The following STK32B variants were observed in gnomAD, a reference collection of about 807,000 sequenced individuals.
STK32B encodes serine/threonine kinase 32B.
STK32B carries 43 observed loss-of-function variants against 52.6 expected under a neutral mutation model. The observed-to-expected ratio is 0.82, with a 90% CI of 0.64 to 1.05. The LOEUF is 1.05. STK32B is among the 50% of genes least tolerant of loss of function. The probability of loss-of-function intolerance (pLI) is 0.00; values close to 1 mark genes in which losing one functional copy is unlikely to be tolerated. For missense variants in STK32B, 621 were observed against 534.6 expected (o/e 1.16, Z -1.59); for synonymous variants, 238 against 204.3 (o/e 1.17, Z -1.41).
At chr4:5,413,736 A>G (rs1049845646) in intron 5 of STK32B, among the ~76,000 whole-genome samples, 3 of 152,234 alleles carry the variant, frequency 2.0e-5, no homozygotes, top group African/African-American at 7.2e-5. Context: ...AGGAGCTCCC[A>G]GTGAAAACTG....
At chr4:5,098,750 C>G (rs1403427975) in intron 1 of STK32B, among the ~76,000 whole-genome samples, 2 of 152,202 alleles carry the variant, frequency 1.3e-5, no homozygotes, top group African/African-American at 4.8e-5. Context: ...TTACAAGCTG[C>G]TTTGTTAGTA....
chr4:5,448,269 C>T (rs983751620), intron 7 of STK32B, among the ~76,000 whole-genome samples: 6 of 152,124 alleles, frequency 3.9e-5, no homozygotes, highest in East Asian at 3.8e-4. Flanking sequence ...ATTAATGTCC[C>T]GCAGATTTAC....
At chr4:5,280,989 C>T (rs767422196) in intron 3 of STK32B, among the ~76,000 whole-genome samples, 1 of 152,134 alleles carries the variant, frequency 6.6e-6, no homozygotes, top group South Asian at 2.1e-4. Flanking sequence ...TTAATTGACT[C>T]AGTTCTGAAA....
chr4:5,485,614 G>T (rs1386504863), intron 11 of STK32B, among the ~76,000 whole-genome samples: 3 of 152,150 alleles, frequency 2.0e-5, no homozygotes, highest in African/African-American at 7.2e-5. Context: ...CTCCAGCTTT[G>T]TTCCGTTGCT....
intron 3 of STK32B, among the ~76,000 whole-genome samples, chr4:5,289,524 CATTA>C (rs1447494267): frequency 6.6e-6 from 1 of 151,958 alleles, no homozygotes. Flanking sequence ...TGTTCAGTCT[CATTA>C]GATGTCAGAG....
chr4:5,477,886 C>T (rs187829136), intron 11 of STK32B, among the ~76,000 whole-genome samples: 26 of 152,222 alleles, frequency 1.7e-4, no homozygotes, highest in East Asian at 3.9e-4. Flanking sequence ...ACTGCCCATC[C>T]GTCAGACCCC....
At chr4:5,339,370 A>G (rs1158216142) in intron 4 of STK32B, among the ~76,000 whole-genome samples, 1 of 152,186 alleles carries the variant, frequency 6.6e-6, no homozygotes, top group Non-Finnish European at 1.5e-5. Flanking sequence ...TCCCAATTCT[A>G]AAATTATAAA....
At chr4:5,325,164 C>T (rs1050531738) in intron 3 of STK32B, among the ~76,000 whole-genome samples, 11 of 152,124 alleles carry the variant, frequency 7.2e-5, no homozygotes, top group African/African-American at 1.7e-4. Context: ...CCTTGAAGCA[C>T]ATCATGCAAA....
In STK32B at chr4:5,317,342, CAT is replaced by C. The variant is rs1190708514; in HGVS notation, c.261-13870_261-13869del. On this transcript the variant is annotated intron_variant, in intron 3 of 11. Coordinates refer to ENST00000282908, the MANE Select transcript of STK32B (RefSeq NM_018401.3). ...TATAATATATATTACATATATAATACATATATATAATATATATAATGTATATG... is the reference window on the plus strand; with the variant it reads ...TATAATATATATTACATATATAATACATATATAATATATATAATGTATATG... 9.4e-4 allele frequency among the ~76,000 whole-genome samples: 17 copies of C among 18,002 alleles called. 1 individual carries two copies. Among genetic ancestry groups the C allele is most frequent in the East Asian group, 2.0e-3 (1 of 494 alleles). The allele number at this position is 18,002 out of a possible 152,430, so 11.8% of individuals were successfully genotyped here. A position where few individuals can be genotyped will look rare whatever the true frequency, so the allele number is the denominator to read the frequency against.
chr4:5,321,608 C>A (rs1163115583), intron 3 of STK32B, among the ~76,000 whole-genome samples: 1 of 152,148 alleles, frequency 6.6e-6, no homozygotes, highest in Non-Finnish European at 1.5e-5. Flanking sequence ...TCAGTCTTAC[C>A]TGTCCTTTGT....
intron 3 of STK32B, among the ~76,000 whole-genome samples, chr4:5,267,787 C>T (rs1269650090): frequency 6.6e-6 from 1 of 152,198 alleles, no homozygotes; most frequent in Non-Finnish European, 1.5e-5. Context: ...GCAACCCACT[C>T]TAAAGAGACG....
chr4:5,137,123 A>G (rs1350886455), intron 1 of STK32B, among the ~76,000 whole-genome samples: 1 of 152,212 alleles, frequency 6.6e-6, no homozygotes, highest in Non-Finnish European at 1.5e-5. Context: ...ACAGAGGAGG[A>G]GGTTGATAGA....
chr4:5,351,770 A>G lies in STK32B; in HGVS notation c.434+20377A>G, dbSNP rs561244236. Among the ~76,000 whole-genome samples, 183 of 152,158 alleles carry G rather than the reference A, an allele frequency of 1.2e-3. 1 individual carries two copies. The highest frequency in any genetic ancestry group is 4.2e-3 in the African/African-American group (174 of 41,574). ...AATAAAATCAGAAATGACAAAGAAGACATTACAACTGATAACACAGAAATA... is the reference window on the plus strand; with the variant it reads ...AATAAAATCAGAAATGACAAAGAAGGCATTACAACTGATAACACAGAAATA... On this transcript the variant is annotated intron_variant, in intron 4 of 11. Transcript: ENST00000282908.
Position 5,317,204 on chromosome 4 carries a change from A to ATATATATAACATATAT in STK32B, c.261-14015_261-14000dup, listed in dbSNP as rs1731055443. Among the ~76,000 whole-genome samples, 4 of 48,438 alleles carry ATATATATAACATATAT rather than the reference A, an allele frequency of 8.3e-5. 1 individual carries two copies. The highest frequency in any genetic ancestry group is 1.2e-4 in the Non-Finnish European group (4 of 33,096). The allele number at this position is 48,438 out of a possible 152,430, so 31.8% of individuals were successfully genotyped here. A position where few individuals can be genotyped will look rare whatever the true frequency, so the allele number is the denominator to read the frequency against. On this transcript the variant is annotated intron_variant, in intron 3 of 11. Coordinates refer to ENST00000282908, the MANE Select transcript of STK32B (RefSeq NM_018401.3). ...TATATATATATAACATATATATATT[A>ATATATATAACATATAT]TATATATAACATATATATATTATAT...
chr4:5,108,626 A>G (rs1047083922), intron 1 of STK32B, among the ~76,000 whole-genome samples: 1 of 152,186 alleles, frequency 6.6e-6, no homozygotes, highest in Non-Finnish European at 1.5e-5. Flanking sequence ...TTAATTTTAG[A>G]TTCAACTTCC....
chr4:5,362,140 T>C (rs1270478849), intron 4 of STK32B, among the ~76,000 whole-genome samples: 1 of 152,176 alleles, frequency 6.6e-6, no homozygotes, highest in Non-Finnish European at 1.5e-5. Flanking sequence ...GCAATAAAAA[T>C]TGTATGTTGG....
chr4:5,161,769 T>C (rs1718464511), intron 2 of STK32B, among the ~76,000 whole-genome samples: 1 of 152,208 alleles, frequency 6.6e-6, no homozygotes, highest in African/African-American at 2.4e-5. Flanking sequence ...CAGCGAATTA[T>C]TTGAGCAATA....
intron 9 of STK32B, among the ~76,000 whole-genome samples, chr4:5,461,908 TC>T (rs749103113): frequency 8.5e-5 from 13 of 152,312 alleles, no homozygotes; most frequent in Middle Eastern, 3.4e-3. Flanking sequence ...TTCAGAAAGC[TC>T]CCTGGCTCTT....
chr4:5,362,308 C>G (rs1319306307), intron 4 of STK32B, among the ~76,000 whole-genome samples: 1 of 152,182 alleles, frequency 6.6e-6, no homozygotes, highest in African/African-American at 2.4e-5. Context: ...CACTCATGAT[C>G]TATTTGTAAA....
Sources: allele counts gnomAD v4.1 joint callset (sites outside exome capture counted in the v4.1 genomes callset), GRCh38; gene constraint gnomAD v4.1.1; transcripts MANE v1.5; gene names NCBI Gene and HGNC (gene_info 2026-07-23, HGNC 2026-07-21).